Variants in ADCY1 observed in about 807,000 individuals in gnomAD.
The protein encoded by ADCY1 is adenylate cyclase type 1.
In ADCY1, 28 loss-of-function variants were observed where a neutral mutation model predicts 105.4. That is an observed-to-expected ratio of 0.27 (90% CI 0.20 to 0.36). ADCY1 has a LOEUF of 0.36. ADCY1 is among the 10% of genes least tolerant of loss of function. The probability of loss-of-function intolerance (pLI) is 1.00; values close to 1 mark genes in which losing one functional copy is unlikely to be tolerated. For missense variants in ADCY1, 977 were observed against 1,434.2 expected, an observed-to-expected ratio of 0.68 and a Z score of 5.15; for synonymous variants, 655 against 623.8, an observed-to-expected ratio of 1.05 and a Z score of -0.75.
At chr7:45,691,480 A>G (rs1196476268) in intron 14 of ADCY1, among the ~76,000 whole-genome samples, 1 of 152,220 alleles carries the variant, frequency 6.6e-6, no homozygotes, top group East Asian at 1.9e-4. Flanking sequence ...GCCAGGCCAA[A>G]CACTAGGTAG....
chr7:45,696,293 G>A lies in ADCY1; in HGVS notation c.2455-7083G>A, dbSNP rs1784879705. Reference sequence around the variant, plus strand: ...CTCTACTAAAAAATACAAAAAATTAGCCTGGCATGGTGGCAGGCACCTGTG... The same window carrying A: ...CTCTACTAAAAAATACAAAAAATTAACCTGGCATGGTGGCAGGCACCTGTG... On this transcript the variant is annotated intron_variant, in intron 14 of 19. Transcript: ENST00000297323. Among the ~76,000 whole-genome samples the A allele has an allele frequency of 2.0e-5, 3 of 152,104 alleles. No homozygotes were observed. The South Asian group carries it at 6.2e-4, about 32-fold the overall frequency.
chr7:45,582,405 AGT>A (rs1265510073), intron 1 of ADCY1, among the ~76,000 whole-genome samples: 2 of 152,098 alleles, frequency 1.3e-5, no homozygotes, highest in African/African-American at 4.8e-5. Context: ...GCATCATGGA[AGT>A]GTAGTGAGGG....
intron 14 of ADCY1, among the ~76,000 whole-genome samples, chr7:45,688,347 A>G (rs2471239): frequency 0.6 from 90,990 of 152,120 alleles, 27,796 homozygotes; most frequent in East Asian, 0.79. Context: ...GGTGCTCGGT[A>G]AGGCTGAGCA....
At chr7:45,604,871 A>C (rs1415724304) in intron 2 of ADCY1, among the ~76,000 whole-genome samples, 1 of 152,136 alleles carries the variant, frequency 6.6e-6, no homozygotes, top group Non-Finnish European at 1.5e-5. Flanking sequence ...ATTTGCTGGG[A>C]TTTTGATAGG....
chr7:45,581,152 C>T (rs1792527653), intron 1 of ADCY1, among the ~76,000 whole-genome samples: 1 of 152,166 alleles, frequency 6.6e-6, no homozygotes, highest in Non-Finnish European at 1.5e-5. Context: ...TTCTCCCTCA[C>T]CAAAGGGAAC....
At chr7:45,606,396 C>T (rs1201358779) in intron 2 of ADCY1, among the ~76,000 whole-genome samples, 6 of 152,188 alleles carry the variant, frequency 3.9e-5, no homozygotes. Context: ...AAGTTTTCTT[C>T]TTGTGAGGTT....
chr7:45,685,089 G>A, intron 12 of ADCY1, 21 bp downstream of exon 12: 1 of 1,603,888 alleles, frequency 6.2e-7, no homozygotes, highest in Non-Finnish European at 8.5e-7. Flanking sequence ...CCAGCTTGTG[G>A]CATGCGCTGG....
At chr7:45,711,967 A>ATTT (rs1785258728) in intron 19 of ADCY1, among the ~76,000 whole-genome samples, 5 of 64,854 alleles carry the variant, frequency 7.7e-5, no homozygotes, top group Admixed American at 7.4e-4. Context: ...AAATATATAA[A>ATTT]TACATATTAT....
chr7:45,625,456 AGT>A (rs1261357965), intron 4 of ADCY1, among the ~76,000 whole-genome samples: 1 of 152,082 alleles, frequency 6.6e-6, no homozygotes, highest in Admixed American at 6.5e-5. Flanking sequence ...TATGTGTGTG[AGT>A]GTGCACATAT....
chr7:45,660,199 C>G lies in ADCY1; in HGVS notation c.1449+16C>G, dbSNP rs1253111720. 2 of 1,613,758 alleles carry G rather than the reference C, an allele frequency of 1.2e-6. No homozygotes were observed. ...TCGCCGAAAGGTAGGCACCAGAGCC[C>G]CCCTCATTTGGTTGATCCTTAGCTT... On this transcript the variant is annotated intron_variant, in intron 7 of 19. Coordinates refer to ENST00000297323, the MANE Select transcript of ADCY1 (RefSeq NM_021116.4).
At chr7:45,609,517 A>G (rs1793472215) in intron 2 of ADCY1, among the ~76,000 whole-genome samples, 1 of 152,238 alleles carries the variant, frequency 6.6e-6, no homozygotes, top group Admixed American at 6.5e-5. Context: ...CGCGCTTGTC[A>G]GTGGGATGTT....
At chr7:45,631,090 C>G (rs976588986) in intron 4 of ADCY1, among the ~76,000 whole-genome samples, 3 of 152,174 alleles carry the variant, frequency 2.0e-5, no homozygotes, top group African/African-American at 7.2e-5. Flanking sequence ...AAGGTTTACA[C>G]TCAATATATG....
chr7:45,690,592 C>T (rs528845094), intron 14 of ADCY1, among the ~76,000 whole-genome samples: 1 of 152,352 alleles, frequency 6.6e-6, no homozygotes, highest in South Asian at 2.1e-4. Context: ...GGACTGGCCT[C>T]CCTGGTACAG....
chr7:45,712,923 C>T (rs1486451894), intron 19 of ADCY1, among the ~76,000 whole-genome samples: 1 of 152,110 alleles, frequency 6.6e-6, no homozygotes, highest in African/African-American at 2.4e-5. Flanking sequence ...TCTCTGTTTT[C>T]TCTGGACAGT....
Position 45,659,213 on chromosome 7 carries a change from A to G in ADCY1, c.1308-829A>G, listed in dbSNP as rs148952732. 5.1e-3 allele frequency among the ~76,000 whole-genome samples: 770 copies of G among 152,276 alleles called. 4 individuals are homozygous for G. Among genetic ancestry groups the G allele is most frequent in the African/African-American group, 0.017 (721 of 41,564 alleles). ...TCACCCTCTCAGGATCCCAGTGAGC[A>G]TGGCAGCTCTGCCTTCAACTGCCTC... On this transcript the variant is annotated intron_variant, in intron 6 of 19. Transcript: ENST00000297323.
chr7:45,714,400 A>G lies in ADCY1; in HGVS notation c.*405A>G, dbSNP rs1251305986. On this transcript the variant is annotated 3_prime_UTR_variant, in exon 20 of 20. Transcript: ENST00000297323. The stretch of plus-strand genomic sequence containing the variant: ...GGTGTGGCTGGCAGAGCAACTGAGG[A>G]GCTCTGCGAGAGTGTGCCCTCTGAG... 2 of 191,084 alleles carry G rather than the reference A, an allele frequency of 1.0e-5. No individual in the cohort carries two copies. The highest frequency in any genetic ancestry group is 2.2e-5 in the Non-Finnish European group (2 of 92,740). 11.8% of individuals were successfully genotyped at this position (191,084 alleles called of 1,614,324 possible).
intron 12 of ADCY1, among the ~76,000 whole-genome samples, chr7:45,685,524 A>C (rs889336408): frequency 6.6e-6 from 1 of 151,366 alleles, no homozygotes; most frequent in African/African-American, 2.4e-5. Context: ...CAGGAAGGAC[A>C]GAGCTGGGGG....
chr7:45,608,794 T>C (rs1277061193), intron 2 of ADCY1, among the ~76,000 whole-genome samples: 1 of 151,986 alleles, frequency 6.6e-6, no homozygotes, highest in East Asian at 1.9e-4. Context: ...CGGCAGAGCT[T>C]CATGGGAGCT....
chr7:45,660,229 G>A, intron 7 of ADCY1, 46 bp downstream of exon 7: 2 of 1,610,318 alleles, frequency 1.2e-6, no homozygotes, highest in Non-Finnish European at 1.7e-6. Flanking sequence ...TAGCTTCTTG[G>A]CCTGTGCAGA....
Sources: gnomAD v4.1 joint callset for allele counts (sites outside exome capture counted in the v4.1 genomes callset) on GRCh38, gnomAD v4.1.1 for gene constraint, MANE v1.5 for transcripts, NCBI Gene and HGNC (gene_info 2026-07-23, HGNC 2026-07-21) for gene names.